Variants in BAZ2A observed in about 807,000 individuals in gnomAD.
BAZ2A encodes bromodomain adjacent to zinc finger domain 2A, also known as bromodomain adjacent to zinc finger domain protein 2A.
A neutral mutation model predicts 199.9 loss-of-function variants in BAZ2A; 34 were observed. The observed-to-expected ratio is 0.17, with a 90% CI of 0.13 to 0.23. The LOEUF is 0.23. BAZ2A is among the 10% of genes least tolerant of loss of function. The probability of loss-of-function intolerance (pLI) is 1.00; values close to 1 mark genes in which losing one functional copy is unlikely to be tolerated. For missense variants in BAZ2A, 2,002 were observed against 2,391.1 expected, an observed-to-expected ratio of 0.84 and a Z score of 3.39; for synonymous variants, 857 against 883.9, an observed-to-expected ratio of 0.97 and a Z score of 0.54.
upstream of BAZ2A, among the ~76,000 whole-genome samples, chr12:56,633,723 C>T (rs1381670617): frequency 6.6e-6 from 1 of 152,064 alleles, no homozygotes; most frequent in Admixed American, 6.6e-5. Flanking sequence ...CCTTCTTCCC[C>T]CACTTTTGTT....
rs1291191590 is a variant in BAZ2A, at chr12:56,598,991, T to G, written c.5423A>C (p.Glu1808Ala). 2 of 1,611,254 alleles carry G rather than the reference T, an allele frequency of 1.2e-6. No individual in the cohort carries two copies. Among genetic ancestry groups the G allele is most frequent in the Non-Finnish European group, 1.7e-6 (2 of 1,178,836 alleles). The change falls in exon 28 of 29, where the codon GAG (glutamate) becomes GCG (alanine). Residue 1808 changes from glutamate (E) to alanine (A), a missense_variant. By Grantham distance (107) the Glu-to-Ala change is moderately radical (BLOSUM62 -1). Around this residue, in one of 6 missense-constraint regions of BAZ2A, gnomAD observed 76 missense variants for 139.3 expected, o/e 0.55. Transcript: ENST00000549884. Reference sequence around the variant, plus strand: ...GAAAGGCCAGGCTGCATCATGGGACTCCATCTCCATCAGGATAATCCTATC... The same window carrying G: ...GAAAGGCCAGGCTGCATCATGGGACGCCATCTCCATCAGGATAATCCTATC... ...TFCEIILMEM[E>A]SHDAAWPFLE...
Position 56,608,760 on chromosome 12 carries a change from G to C in BAZ2A, c.2092+976C>G, listed in dbSNP as rs556944139. 4.0e-5 allele frequency among the ~76,000 whole-genome samples: 6 copies of C among 151,394 alleles called. No individual in the cohort carries two copies. The South Asian group carries it at 1.0e-3, about 26-fold the overall frequency. On this transcript the variant is annotated intron_variant, in intron 10 of 28. Transcript: ENST00000549884. ...AATTTTGTATTTATAGTAGAGACAG[G>C]GTTTCTTCATGTTGGTCAGGCTGGT... is the stretch of plus-strand genomic sequence containing the variant.
intron 28 of BAZ2A, 32 bp from the exon 29 acceptor site, chr12:56,598,815 G>GGTA: frequency 3.7e-6 from 6 of 1,609,752 alleles, no homozygotes; most frequent in Non-Finnish European, 5.1e-6. Flanking sequence ...CTGTGAGCTG[G>GGTA]GTAGGAGTTG....
intron 8 of BAZ2A, 29 bp from the exon 9 acceptor site, chr12:56,610,244 T>C (rs773499430): frequency 4.3e-6 from 7 of 1,611,182 alleles, no homozygotes; most frequent in Non-Finnish European, 5.9e-6. Flanking sequence ...GTAACATTAA[T>C]AAAGTTGGAT....
chr12:56,612,310 T>A, intron 5 of BAZ2A, 64 bp from the exon 6 acceptor site: 1 of 1,400,888 alleles, frequency 7.1e-7, no homozygotes, highest in Non-Finnish European at 9.7e-7. Context: ...AACAAGAGAA[T>A]CTACTCAGTC....
rs748617619 is a variant in BAZ2A, at chr12:56,613,998, T to C, written c.871A>G (p.Ile291Val). 38 of 1,613,874 alleles carry C rather than the reference T, an allele frequency of 2.4e-5. No individual in the cohort carries two copies. The Admixed American group carries it at 4.8e-4, about 21-fold the overall frequency. The stretch of plus-strand genomic sequence containing the variant: ...GGCTCCAGAGAGTCTTCACTGAGGA[T>C]TGGAGTGTCTTCCAGTTGATCAGGA... Reference protein sequence around the residue: ...HLPDQLEDTPILSEDSLEPFN... With the variant: ...HLPDQLEDTPVLSEDSLEPFN... Residue 291 changes from isoleucine to valine, a missense_variant, in exon 4 of 29, where the codon ATC (isoleucine) becomes GTC (valine). Transcript: ENST00000549884.
chr12:56,610,812 G>T (rs929358163), intron 7 of BAZ2A, among the ~76,000 whole-genome samples: 1 of 152,118 alleles, frequency 6.6e-6, no homozygotes, highest in Non-Finnish European at 1.5e-5. Flanking sequence ...CCCTCCCTGA[G>T]CCATTCAGGG....
chr12:56,632,815 G>A (rs1206256012), upstream of BAZ2A, among the ~76,000 whole-genome samples: 1 of 152,114 alleles, frequency 6.6e-6, no homozygotes, highest in African/African-American at 2.4e-5. Flanking sequence ...GGGTGACAGT[G>A]TGCCCAACAG....
intron 1 of BAZ2A, among the ~76,000 whole-genome samples, chr12:56,625,517 G>A (rs1951060547): frequency 6.6e-6 from 1 of 151,968 alleles, no homozygotes; most frequent in Non-Finnish European, 1.5e-5. Context: ...AGCTAAGCAG[G>A]CAGGTTAAGG....
intron 1 of BAZ2A, among the ~76,000 whole-genome samples, chr12:56,623,657 T>C (rs946835126): frequency 2.0e-5 from 3 of 152,140 alleles, no homozygotes; most frequent in Non-Finnish European, 4.4e-5. Context: ...TTCTGCCCCG[T>C]AGGGGACATT....
At chr12:56,626,890 A>G (rs1951110684) in intron 1 of BAZ2A, among the ~76,000 whole-genome samples, 1 of 152,216 alleles carries the variant, frequency 6.6e-6, no homozygotes, top group African/African-American at 2.4e-5. Context: ...ATCAGACAGC[A>G]ACTTAAAGGA....
At chr12:56,634,965 A>AGGCGGCGGC (rs974400845), upstream of BAZ2A, 27 of 984,676 alleles carry the variant, frequency 2.7e-5, no homozygotes, top group South Asian at 1.4e-4. Context: ...GCCGGGCCGC[A>AGGCGGCGGC]GGCGGCGGCG....
intron 1 of BAZ2A, among the ~76,000 whole-genome samples, chr12:56,628,177 CAAAAAAA>C (rs57372528): frequency 1.4e-4 from 4 of 28,392 alleles, no homozygotes; most frequent in East Asian, 1.2e-3. Flanking sequence ...AACTCCGTCT[CAAAAAAA>C]AAAAAAAAAA....
chr12:56,610,596 G>C, intron 7 of BAZ2A, 79 bp from the exon 8 acceptor site: 1 of 1,272,962 alleles, frequency 7.9e-7, no homozygotes, highest in Non-Finnish European at 1.1e-6. Context: ...GAAGCCCTCT[G>C]AGCAGATGGC....
At chr12:56,617,647 C>G in intron 1 of BAZ2A, 115 bp from the exon 2 acceptor site, 1 of 1,169,336 alleles carries the variant, frequency 8.6e-7, no homozygotes, top group Non-Finnish European at 1.2e-6. Flanking sequence ...CTTCTCCTAC[C>G]TAAGTACTGT....
At chr12:56,605,401 T>TTC in intron 13 of BAZ2A, 74 bp from the exon 14 acceptor site, 2 of 1,407,258 alleles carry the variant, frequency 1.4e-6, no homozygotes, top group Admixed American at 2.7e-5. Flanking sequence ...CTACAAGAGG[T>TTC]TCTTCCTTTA....
chr12:56,611,437 C>A, intron 7 of BAZ2A, 136 bp downstream of exon 7: 1 of 819,442 alleles, frequency 1.2e-6, no homozygotes, highest in South Asian at 1.6e-5. Flanking sequence ...ATTATCACTG[C>A]AGATAACTGT....
Position 56,600,704 on chromosome 12 carries a change from T to C in BAZ2A, c.4579A>G (p.Ile1527Val), listed in dbSNP as rs1269213172. The C allele has an allele frequency of 9.3e-6, 15 of 1,613,352 alleles. No homozygotes were observed. The highest frequency in any genetic ancestry group is 1.3e-5 in the Non-Finnish European group (15 of 1,179,840). The change falls in exon 23 of 29, where the codon ATC (isoleucine) becomes GTC (valine). Residue 1527 changes from isoleucine (I) to valine (V), a missense_variant. Ile to Val is a conservative substitution (Grantham distance 29). Around this residue, in one of 6 missense-constraint regions of BAZ2A, gnomAD observed 1,081 missense variants for 1,274.7 expected, o/e 0.85. Coordinates refer to ENST00000549884, the MANE Select transcript of BAZ2A (RefSeq NM_001300905.2). ...QWVEELEQRVIMSDLQIRGWT... is the reference protein window; with the variant it reads ...QWVEELEQRVVMSDLQIRGWT... ...ACCCGAATCTGCAGATCAGACATGA[T>C]AACCCGCTGCTCCAGCTCCTCTACC...
rs541291566 is a variant in BAZ2A, at chr12:56,598,583, G to T, written c.*35C>A. On this transcript the variant is annotated 3_prime_UTR_variant, in exon 29 of 29. Coordinates refer to ENST00000549884, the MANE Select transcript of BAZ2A (RefSeq NM_001300905.2). ...CAGGTTTTTGTTTGGAAGGTGGGGGGAGATGCCACAAGGTGACTCCCCACC... is the reference window on the plus strand; with the variant it reads ...CAGGTTTTTGTTTGGAAGGTGGGGGTAGATGCCACAAGGTGACTCCCCACC... The T allele has an allele frequency of 5.0e-6, 8 of 1,601,256 alleles. No individual in the cohort carries two copies. Among genetic ancestry groups the T allele is most frequent in the Middle Eastern group, 1.7e-4 (1 of 6,028 alleles).
Sources: gnomAD v4.1 joint callset for allele counts (sites outside exome capture counted in the v4.1 genomes callset) on GRCh38, gnomAD v4.1.1 for gene constraint, gnomAD v4.1.1 regional missense constraint, MANE v1.5 for transcripts, NCBI Gene and HGNC (gene_info 2026-07-23, HGNC 2026-07-21) for gene names.